Variants in ASTN2 observed in about 807,000 individuals in gnomAD.
The protein encoded by ASTN2 is astrotactin-2.
ASTN2 carries 54 observed loss-of-function variants against 139.8 expected under a neutral mutation model. The ratio of observed to expected loss-of-function variants is 0.39; its 90% CI spans 0.31 to 0.48. The LOEUF is 0.48. Among genes scored for constraint, ASTN2 ranks in the 20% least tolerant of loss-of-function variants. The probability of loss-of-function intolerance (pLI) is 0.95; values close to 1 mark genes in which losing one functional copy is unlikely to be tolerated. For synonymous variants in ASTN2, 756 were observed against 719.5 expected, an observed-to-expected ratio of 1.05 and a Z score of -0.81; for missense variants, 1,565 against 1,725.1, an observed-to-expected ratio of 0.91 and a Z score of 1.64.
At chr9:116,854,649 C>T (rs942341579) in intron 11 of ASTN2, among the ~76,000 whole-genome samples, 5 of 132,712 alleles carry the variant, frequency 3.8e-5, no homozygotes, top group Admixed American at 7.7e-5. Context: ...GCTTCCTTCT[C>T]TCTTTTTTTT....
At chr9:116,981,956 A>T (rs1406232475) in intron 7 of ASTN2, among the ~76,000 whole-genome samples, 1 of 152,184 alleles carries the variant, frequency 6.6e-6, no homozygotes, top group Non-Finnish European at 1.5e-5. Context: ...TTGGTTTTAA[A>T]AGATTTACTC....
intron 3 of ASTN2, among the ~76,000 whole-genome samples, chr9:117,184,470 G>A (rs1300286159): frequency 1.3e-5 from 2 of 152,118 alleles, no homozygotes; most frequent in Admixed American, 6.5e-5. Flanking sequence ...TCTGTCTGCC[G>A]ACCTCCTTGG....
At chr9:116,557,424 G>C (rs1020202340) in intron 19 of ASTN2, among the ~76,000 whole-genome samples, 1 of 152,038 alleles carries the variant, frequency 6.6e-6, no homozygotes, top group African/African-American at 2.4e-5. Flanking sequence ...TGAGTTAAAT[G>C]AAAGTGTCTA....
At chr9:116,466,145 T>C (rs56147233) in intron 20 of ASTN2, among the ~76,000 whole-genome samples, 23,744 of 152,142 alleles carry the variant, frequency 0.16, 2,291 homozygotes, top group Middle Eastern at 0.24. Flanking sequence ...AAGCGGGCTT[T>C]TGAATCAAGG....
intron 1 of ASTN2, among the ~76,000 whole-genome samples, chr9:117,367,403 C>T (rs1473726035): frequency 6.6e-6 from 1 of 152,160 alleles, no homozygotes; most frequent in South Asian, 2.1e-4. Context: ...TGCCACTTAC[C>T]AGCTCTGTGA....
At chr9:116,469,624 A>G (rs1235109734) in intron 20 of ASTN2, among the ~76,000 whole-genome samples, 1 of 152,170 alleles carries the variant, frequency 6.6e-6, no homozygotes, top group Non-Finnish European at 1.5e-5. Context: ...CTTCATCTCT[A>G]AAGTGAGAGG....
intron 11 of ASTN2, among the ~76,000 whole-genome samples, chr9:116,829,192 A>G (rs1831731602): frequency 6.6e-6 from 1 of 151,866 alleles, no homozygotes; most frequent in Non-Finnish European, 1.5e-5. Context: ...ACAGACCCCA[A>G]ATAACCAAAG....
At chr9:116,872,766 T>C (rs1319397636) in intron 10 of ASTN2, among the ~76,000 whole-genome samples, 1 of 152,052 alleles carries the variant, frequency 6.6e-6, no homozygotes, top group African/African-American at 2.4e-5. Flanking sequence ...AAAGAAATTC[T>C]AGGGAGAAGG....
At chr9:117,048,782 C>G (rs1322125658) in intron 5 of ASTN2, among the ~76,000 whole-genome samples, 1 of 152,070 alleles carries the variant, frequency 6.6e-6, no homozygotes, top group Admixed American at 6.6e-5. Flanking sequence ...TGAGAAGTGA[C>G]AGTCTTAAAG....
intron 1 of ASTN2, among the ~76,000 whole-genome samples, chr9:117,342,098 A>G (rs1321201739): frequency 2.6e-5 from 4 of 152,178 alleles, no homozygotes; most frequent in Non-Finnish European, 5.9e-5. Context: ...TAGCATCTCC[A>G]TTTCATGTCA....
At chr9:116,866,985 G>T (rs1292081766) in intron 10 of ASTN2, among the ~76,000 whole-genome samples, 2 of 151,332 alleles carry the variant, frequency 1.3e-5, no homozygotes, top group Non-Finnish European at 2.9e-5. Flanking sequence ...GGAAAGAAGA[G>T]ACACAGAGAG....
At chr9:117,380,670 G>T (rs1039521566) in intron 1 of ASTN2, among the ~76,000 whole-genome samples, 1 of 151,884 alleles carries the variant, frequency 6.6e-6, no homozygotes, top group Admixed American at 6.6e-5. Flanking sequence ...TTTGACTGAA[G>T]TGATATATGA....
At chr9:116,518,001 T>A (rs924030326) in intron 19 of ASTN2, among the ~76,000 whole-genome samples, 5 of 152,246 alleles carry the variant, frequency 3.3e-5, no homozygotes, top group Admixed American at 3.3e-4. Flanking sequence ...CCAAGAAATT[T>A]GGGACTATGC....
chr9:116,590,728 T>G (rs1263343418), intron 19 of ASTN2, among the ~76,000 whole-genome samples: 2 of 152,052 alleles, frequency 1.3e-5, no homozygotes. Flanking sequence ...ATACAGTTCC[T>G]CCTCCCTGAA....
At chr9:117,330,831 A>G (rs1828684939) in intron 1 of ASTN2, among the ~76,000 whole-genome samples, 1 of 152,246 alleles carries the variant, frequency 6.6e-6, no homozygotes, top group Admixed American at 6.5e-5. Flanking sequence ...TTTAACTTGC[A>G]GAAAATTCCT....
At chr9:117,316,999 C>G (rs1828164438) in intron 1 of ASTN2, among the ~76,000 whole-genome samples, 1 of 152,118 alleles carries the variant, frequency 6.6e-6, no homozygotes, top group Admixed American at 6.5e-5. Context: ...CTCTGCTTCT[C>G]TTATCTTTTT....
intron 16 of ASTN2, among the ~76,000 whole-genome samples, chr9:116,681,483 C>A (rs1859863183): frequency 6.6e-6 from 1 of 152,194 alleles, no homozygotes; most frequent in Non-Finnish European, 1.5e-5. Flanking sequence ...CCATCCCCAT[C>A]AAGCTACCAA....
intron 4 of ASTN2, among the ~76,000 whole-genome samples, chr9:117,110,112 T>A (rs1829213630): frequency 6.6e-6 from 1 of 152,202 alleles, no homozygotes; most frequent in Non-Finnish European, 1.5e-5. Context: ...TAATTTTTCA[T>A]CTTTTGAAAT....
At chr9:116,668,633 A>G (rs1004020835) in intron 16 of ASTN2, among the ~76,000 whole-genome samples, 4 of 152,250 alleles carry the variant, frequency 2.6e-5, no homozygotes, top group Admixed American at 2.6e-4. Context: ...TGAAGGACAT[A>G]TTGATTGCTC....
Sources: allele counts gnomAD v4.1 joint callset (sites outside exome capture counted in the v4.1 genomes callset), GRCh38; gene constraint gnomAD v4.1.1; transcripts MANE v1.5; gene names NCBI Gene and HGNC (gene_info 2026-07-23, HGNC 2026-07-21).